TTC32: variants seen among roughly 807,000 people sequenced by gnomAD.
TTC32 encodes the protein tetratricopeptide repeat domain 32.
TTC32 carries 16 observed loss-of-function variants against 15.3 expected under a neutral mutation model. That is an observed-to-expected ratio of 1.05 (90% CI 0.71 to 1.59). The LOEUF (loss-of-function observed/expected upper bound fraction) is 1.59, where lower values mean the gene tolerates loss of function less well. Among genes scored for constraint, TTC32 ranks in the 40% most tolerant of loss-of-function variants. TTC32 has a pLI of 0.00. For missense variants in TTC32, 188 were observed against 181.9 expected, an observed-to-expected ratio of 1.03 and a Z score of -0.19; for synonymous variants, 89 against 67.8, an observed-to-expected ratio of 1.31 and a Z score of -1.53.
chr2:19,900,037 G>C (rs754039627), intron 1 of TTC32, among the ~76,000 whole-genome samples: 2 of 152,174 alleles, frequency 1.3e-5, no homozygotes, highest in Non-Finnish European at 2.9e-5. Context: ...GCCAAGACTG[G>C]AATTCAGGCA....
chr2:19,897,255 G>A, intron 2 of TTC32, 129 bp from the exon 3 acceptor site: 1 of 901,456 alleles, frequency 1.1e-6, no homozygotes. Flanking sequence ...TCTAGTAAAG[G>A]AATCTTTTTA....
At chr2:19,900,516 C>A (rs2103367793) in intron 1 of TTC32, among the ~76,000 whole-genome samples, 1 of 152,190 alleles carries the variant, frequency 6.6e-6, no homozygotes, top group East Asian at 1.9e-4. Flanking sequence ...CCACAACAGA[C>A]AACTCACAAC....
rs925412952 is a variant in TTC32 at position 19,896,896 on chromosome 2, A to G, written c.*91T>C. ...CAGTGCTAATGTATTAATTTCTTAA[A>G]TATAAATCAAAATAGCTCAATATCT... On this transcript the variant is annotated 3_prime_UTR_variant, in exon 3 of 3. Transcript: ENST00000333610. The G allele has an allele frequency of 3.2e-6, 4 of 1,236,228 alleles. No individual in the cohort carries two copies. In the African/African-American group the frequency reaches 6.2e-5, roughly 19 times the overall value. 76.6% of individuals were successfully genotyped at this position (1,236,228 alleles called of 1,614,324 possible). A position where few individuals can be genotyped will look rare whatever the true frequency, so the allele number is the denominator to read the frequency against.
rs138784198 is a variant in TTC32, at chr2:19,901,795, G to A, written c.60C>T (p.Asn20=). The part of the protein sequence containing the change: ...ATLTLAQAHF[N]NGEYAEAEAL... ...CCTCGGCCTCCGCGTACTCTCCATT[G>A]TTGAAATGAGCCTGGGCGAGTGTTA... The change falls in exon 1 of 3, where the codon AAC becomes AAT. Residue 20 remains asparagine (N), a synonymous_variant. Coordinates refer to ENST00000333610, the MANE Select transcript of TTC32 (RefSeq NM_001008237.3). 2.3e-4 allele frequency: 374 copies of A among 1,614,240 alleles called. No individual in the cohort carries two copies. Among genetic ancestry groups the A allele is most frequent in the Middle Eastern group, 1.3e-3 (8 of 6,062 alleles).
chr2:19,900,777 C>A (rs1439997245), intron 1 of TTC32, among the ~76,000 whole-genome samples: 1 of 152,210 alleles, frequency 6.6e-6, no homozygotes, highest in Admixed American at 6.5e-5. Context: ...GTATTCTTGC[C>A]ATGATATTGA....
rs747827982 is a variant in TTC32 at position 19,901,793 on chromosome 2, T to C, written c.62A>G (p.Asn21Ser). 9 of 1,614,022 alleles carry C rather than the reference T, an allele frequency of 5.6e-6. No homozygotes were observed. The highest frequency in any genetic ancestry group is 3.3e-5 in the Admixed American group (2 of 60,012). ...TGCCTCGGCCTCCGCGTACTCTCCA[T>C]TGTTGAAATGAGCCTGGGCGAGTGT... is the stretch of plus-strand genomic sequence containing the variant. ...TLTLAQAHFNNGEYAEAEALY... is the reference protein window; with the variant it reads ...TLTLAQAHFNSGEYAEAEALY... Residue 21 changes from asparagine to serine, a missense_variant, in exon 1 of 3, where the codon AAT (asparagine) becomes AGT (serine). Coordinates refer to ENST00000333610, the MANE Select transcript of TTC32 (RefSeq NM_001008237.3).
At chr2:19,900,009 C>T (rs1026786856) in intron 1 of TTC32, among the ~76,000 whole-genome samples, 4 of 152,284 alleles carry the variant, frequency 2.6e-5, no homozygotes, top group African/African-American at 7.2e-5. Context: ...GAGGCTGAGA[C>T]ATTAGCCATG....
At chr2:19,901,640 A>C (rs1049864508) in intron 1 of TTC32, 66 bp downstream of exon 1, 56 of 1,561,042 alleles carry the variant, frequency 3.6e-5, no homozygotes, top group Middle Eastern at 4.5e-4. Flanking sequence ...CAAAGATAGG[A>C]GCCCAAACAA....
intron 2 of TTC32, 111 bp from the exon 3 acceptor site, chr2:19,897,237 C>T: frequency 1.9e-6 from 2 of 1,080,144 alleles, no homozygotes; most frequent in Middle Eastern, 3.1e-4. Flanking sequence ...TATGAGCTTT[C>T]AGTCACTTCT....
At chr2:19,901,415 AGGC>A in intron 1 of TTC32, 1 of 393,136 alleles carries the variant, frequency 2.5e-6, no homozygotes. Flanking sequence ...GCGGGGTGAG[AGGC>A]GGCGGCCCGC....
chr2:19,897,158 A>C, intron 2 of TTC32, 32 bp from the exon 3 acceptor site: 1 of 1,573,002 alleles, frequency 6.4e-7, no homozygotes, highest in Non-Finnish European at 8.6e-7. Flanking sequence ...GGAAAAGAGA[A>C]AAGAAACCGA....
intron 1 of TTC32, among the ~76,000 whole-genome samples, chr2:19,899,089 GTA>G (rs1669557366): frequency 6.6e-6 from 1 of 152,230 alleles, no homozygotes; most frequent in Non-Finnish European, 1.5e-5. Flanking sequence ...GACAGGGACT[GTA>G]ACTACTGCTA....
chr2:19,901,667 A>G (rs1011863252), intron 1 of TTC32, 39 bp downstream of exon 1: 2 of 1,595,738 alleles, frequency 1.3e-6, no homozygotes, highest in African/African-American at 2.7e-5. Flanking sequence ...CGTCGCCTCC[A>G]CCCGGGGTCG....
chr2:19,901,286 G>A (rs1669598803), intron 1 of TTC32: 1 of 313,530 alleles, frequency 3.2e-6, no homozygotes, highest in Admixed American at 4.6e-5. Context: ...GTGGCCCTAC[G>A]CAGCCGTGAC....
At position 19,897,825 on chromosome 2, in the gene TTC32, G is replaced by C. The variant is rs185739483; in HGVS notation, c.316+44C>G. ...AACATTTGAAAGCTCTGAAATAACA[G>C]AATACAGTCAATGACAAAACTCAAA... On this transcript the variant is annotated intron_variant, in intron 2 of 2. Coordinates refer to ENST00000333610, the MANE Select transcript of TTC32 (RefSeq NM_001008237.3). The C allele has an allele frequency of 1.2e-4, 167 of 1,391,000 alleles. No homozygotes were observed. In the African/African-American group the frequency reaches 2.1e-3, roughly 17 times the overall value. 86.2% of individuals were successfully genotyped at this position (1,391,000 alleles called of 1,614,324 possible).
rs115056772 is a variant in TTC32, at chr2:19,897,138, C to T, written c.317-12G>A. On this transcript the variant is annotated splice_polypyrimidine_tract_variant and intron_variant, in intron 2 of 2. Transcript: ENST00000333610. ...ATCATCAAAATATCCTGTACCAGAA[C>T]CCAAAAAATGGAAAAGAGAAAAGAA... is the stretch of plus-strand genomic sequence containing the variant. 1.9e-3 allele frequency: 3,018 copies of T among 1,573,276 alleles called. 58 individuals carry two copies. The African/African-American group carries it at 0.038, about 20-fold the overall frequency.
intron 1 of TTC32, among the ~76,000 whole-genome samples, chr2:19,899,812 C>G (rs1669572875): frequency 6.6e-6 from 1 of 151,776 alleles, no homozygotes; most frequent in South Asian, 2.1e-4. Flanking sequence ...CGTCACAAAC[C>G]ATTCAGAATG....
chr2:19,897,196 G>T, intron 2 of TTC32, 70 bp from the exon 3 acceptor site: 1 of 1,473,824 alleles, frequency 6.8e-7, no homozygotes, highest in Non-Finnish European at 9.1e-7. Flanking sequence ...TCATGGAAAA[G>T]CTTTGATACA....
chr2:19,898,575 G>A (rs990003301), intron 1 of TTC32: 1 of 152,216 alleles, frequency 6.6e-6, no homozygotes, highest in Non-Finnish European at 1.5e-5. Flanking sequence ...TATCTCTGGG[G>A]ACAGAGTTGC....
Sources: allele counts gnomAD v4.1 joint callset (sites outside exome capture counted in the v4.1 genomes callset), GRCh38; gene constraint gnomAD v4.1.1; transcripts MANE v1.5; gene names NCBI Gene and HGNC (gene_info 2026-07-23, HGNC 2026-07-21).